The following CPNE8 variants were observed in gnomAD, a reference collection of about 807,000 sequenced individuals.
CPNE8 encodes copine-8.
In CPNE8, 45 loss-of-function variants were observed where a neutral mutation model predicts 81.5. The observed-to-expected ratio is 0.55, with a 90% CI of 0.44 to 0.71. CPNE8 has a LOEUF of 0.71. Ranked by LOEUF, CPNE8 falls within the 30% of genes least tolerant of loss-of-function variation. The pLI, the probability that CPNE8 is intolerant of heterozygous loss-of-function variation, is 0.00. For synonymous variants in CPNE8, 252 were observed against 226.3 expected, an observed-to-expected ratio of 1.11 and a Z score of -1.02; for missense variants, 594 against 672.1, an observed-to-expected ratio of 0.88 and a Z score of 1.28.
rs184411134 is a variant in CPNE8 at position 38,739,742 on chromosome 12, C to G, written c.723-9384G>C. 2.0e-5 allele frequency among the ~76,000 whole-genome samples: 3 copies of G among 152,200 alleles called. No individual in the cohort carries two copies. The East Asian group carries it at 5.8e-4, about 29-fold the overall frequency. On this transcript the variant is annotated intron_variant, in intron 10 of 19. Coordinates refer to ENST00000331366, the MANE Select transcript of CPNE8 (RefSeq NM_153634.3). Reference sequence around the variant, plus strand: ...TTTGTTTTGGTTTCTTTGAAGAAAACTATTATCTTGGAAAATAAAAATGCA... The same window carrying G: ...TTTGTTTTGGTTTCTTTGAAGAAAAGTATTATCTTGGAAAATAAAAATGCA...
chr12:38,658,475 T>C (rs1483335748), intron 19 of CPNE8, among the ~76,000 whole-genome samples: 3 of 152,194 alleles, frequency 2.0e-5, no homozygotes, highest in African/African-American at 7.2e-5. Flanking sequence ...GAAAACACTC[T>C]GCAGGATATT....
chr12:38,794,669 A>G (rs1056242220), intron 6 of CPNE8, among the ~76,000 whole-genome samples: 1 of 152,090 alleles, frequency 6.6e-6, no homozygotes, highest in Non-Finnish European at 1.5e-5. Context: ...AAAACAGAAC[A>G]CAAGTGTTGG....
chr12:38,746,382 T>C (rs1941228033), intron 10 of CPNE8, among the ~76,000 whole-genome samples: 1 of 152,228 alleles, frequency 6.6e-6, no homozygotes. Context: ...ATATTTCTCA[T>C]GCATGTTACA....
At chr12:38,692,875 G>T (rs1939708661) in intron 15 of CPNE8, among the ~76,000 whole-genome samples, 1 of 152,170 alleles carries the variant, frequency 6.6e-6, no homozygotes, top group Non-Finnish European at 1.5e-5. Flanking sequence ...GGATGTTGCA[G>T]AAATAACATT....
At chr12:38,800,965 T>TA (rs1331702905) in intron 6 of CPNE8, among the ~76,000 whole-genome samples, 1 of 147,250 alleles carries the variant, frequency 6.8e-6, no homozygotes, top group African/African-American at 2.5e-5. Context: ...GAAAAAAGAA[T>TA]AAAAAGAAAT....
intron 19 of CPNE8, among the ~76,000 whole-genome samples, chr12:38,667,935 T>C (rs1265427237): frequency 6.6e-6 from 1 of 152,078 alleles, no homozygotes; most frequent in African/African-American, 2.4e-5. Context: ...GTAGCTGAGA[T>C]TACAGGCGCC....
chr12:38,846,521 C>T (rs1459938330), intron 4 of CPNE8, among the ~76,000 whole-genome samples: 1 of 152,242 alleles, frequency 6.6e-6, no homozygotes, highest in South Asian at 2.1e-4. Context: ...CAGGTCATGA[C>T]TGTTCTTTAG....
At chr12:38,724,522 CTT>C (rs1940648474) in intron 12 of CPNE8, among the ~76,000 whole-genome samples, 1 of 152,096 alleles carries the variant, frequency 6.6e-6, no homozygotes, top group African/African-American at 2.4e-5. Context: ...CTTACTACCA[CTT>C]GTGTTTTTTA....
rs1325818824 is a variant in CPNE8 at position 38,787,150 on chromosome 12, T to C, written c.408-10849A>G. On this transcript the variant is annotated intron_variant, in intron 6 of 19. Coordinates refer to ENST00000331366, the MANE Select transcript of CPNE8 (RefSeq NM_153634.3). The stretch of plus-strand genomic sequence containing the variant: ...ACCTTTTCATCCAACAGCTGCAGAA[T>C]ACACATCATGTTCCTCATCACATGG... Among the ~76,000 whole-genome samples, 3 of 152,100 alleles carry C rather than the reference T, an allele frequency of 2.0e-5. No homozygotes were observed. The East Asian group carries it at 5.8e-4, about 29-fold the overall frequency.
chr12:38,671,062 T>C (rs972266052), intron 18 of CPNE8: 36 of 342,466 alleles, frequency 1.1e-4, no homozygotes, highest in Non-Finnish European at 1.8e-4. Flanking sequence ...TATCTCTTTG[T>C]AGACCCTGTG....
chr12:38,751,072 A>T lies in CPNE8; in HGVS notation c.722+9775T>A, dbSNP rs527514750. On this transcript the variant is annotated intron_variant, in intron 10 of 19. Transcript: ENST00000331366. ...AAATGGGAGTCTCCCTGCACAAGTT[A>T]TCTCTTTGCCTGCTGTCATCCATGT... 2.0e-4 allele frequency among the ~76,000 whole-genome samples: 31 copies of T among 152,192 alleles called. 1 individual carries two copies. In the South Asian group the frequency reaches 6.0e-3, roughly 30 times the overall value.
chr12:38,811,211 G>A (rs1942927984), intron 6 of CPNE8, among the ~76,000 whole-genome samples: 1 of 138,842 alleles, frequency 7.2e-6, no homozygotes, highest in African/African-American at 2.4e-5. Context: ...TTGCAGTATT[G>A]CGTATATAAA....
intron 6 of CPNE8, among the ~76,000 whole-genome samples, chr12:38,808,318 C>T (rs541741485): frequency 5.3e-4 from 81 of 151,996 alleles, no homozygotes; most frequent in African/African-American, 1.3e-3. Flanking sequence ...GTTTATTGCA[C>T]GGCACTATTC....
intron 1 of CPNE8, among the ~76,000 whole-genome samples, chr12:38,904,472 T>G (rs898954657): frequency 2.0e-4 from 10 of 49,852 alleles, no homozygotes; most frequent in South Asian, 1.8e-3. Context: ...TTTTTTTTGT[T>G]TTTTTTTTTT....
At chr12:38,704,640 T>C (rs1434067353) in intron 13 of CPNE8, among the ~76,000 whole-genome samples, 1 of 151,790 alleles carries the variant, frequency 6.6e-6, no homozygotes, top group African/African-American at 2.4e-5. Flanking sequence ...CACAGTACAC[T>C]GTGGAGCATC....
At chr12:38,780,505 C>G (rs1176004761) in intron 6 of CPNE8, among the ~76,000 whole-genome samples, 3 of 151,836 alleles carry the variant, frequency 2.0e-5, no homozygotes, top group Non-Finnish European at 4.4e-5. Context: ...TCAGTGAATC[C>G]CAAGCAGCAT....
chr12:38,739,752 G>A (rs537325488), intron 10 of CPNE8, among the ~76,000 whole-genome samples: 84 of 152,048 alleles, frequency 5.5e-4, no homozygotes, highest in African/African-American at 1.6e-3. Flanking sequence ...CTATTATCTT[G>A]GAAAATAAAA....
intron 6 of CPNE8, among the ~76,000 whole-genome samples, chr12:38,795,693 T>A (rs934682396): frequency 2.0e-5 from 3 of 152,106 alleles, no homozygotes; most frequent in African/African-American, 7.2e-5. Flanking sequence ...GAAAGTAGAA[T>A]GGTAATTACC....
At chr12:38,693,944 T>C (rs1291033762) in intron 14 of CPNE8, 106 bp from the exon 15 acceptor site, 2 of 842,150 alleles carry the variant, frequency 2.4e-6, no homozygotes, top group Admixed American at 6.5e-5. Context: ...ATTATGTTTT[T>C]CTGCCTATAT....
Sources: gnomAD v4.1 joint callset for allele counts (sites outside exome capture counted in the v4.1 genomes callset) on GRCh38, gnomAD v4.1.1 for gene constraint, MANE v1.5 for transcripts, NCBI Gene and HGNC (gene_info 2026-07-23, HGNC 2026-07-21) for gene names.